The following GPC6 variants were observed in gnomAD, a reference collection of about 807,000 sequenced individuals.
GPC6 encodes glypican 6, also known as glypican-6.
GPC6 carries 14 observed loss-of-function variants against 55.2 expected under a neutral mutation model. The observed-to-expected ratio is 0.25, with a 90% CI of 0.17 to 0.40. The LOEUF (loss-of-function observed/expected upper bound fraction) is 0.40, where lower values mean the gene tolerates loss of function less well. GPC6 is among the 10% of genes least tolerant of loss of function. The pLI, the probability that GPC6 is intolerant of heterozygous loss-of-function variation, is 1.00. For missense variants in GPC6, 641 were observed against 708.5 expected (o/e 0.90, Z 1.08); for synonymous variants, 278 against 259.6 (o/e 1.07, Z -0.68).
intron 2 of GPC6, among the ~76,000 whole-genome samples, chr13:93,638,057 A>G (rs1268625235): frequency 6.6e-6 from 1 of 152,136 alleles, no homozygotes; most frequent in Non-Finnish European, 1.5e-5. Flanking sequence ...AAAAAAAATC[A>G]ATAATGAAGT....
intron 1 of GPC6, among the ~76,000 whole-genome samples, chr13:93,353,704 GT>G (rs950744597): frequency 3.3e-5 from 5 of 152,072 alleles, no homozygotes; most frequent in African/African-American, 7.2e-5. Context: ...TGGGTCATCT[GT>G]TTTTTTGCTC....
At chr13:94,102,882 A>G (rs1321396648) in intron 4 of GPC6, among the ~76,000 whole-genome samples, 1 of 151,976 alleles carries the variant, frequency 6.6e-6, no homozygotes, top group Non-Finnish European at 1.5e-5. Context: ...AAGATTTTTA[A>G]TTTCTTTTTT....
At chr13:93,407,162 CAT>C (rs1876323274) in intron 1 of GPC6, among the ~76,000 whole-genome samples, 1 of 151,738 alleles carries the variant, frequency 6.6e-6, no homozygotes, top group Admixed American at 6.6e-5. Flanking sequence ...TTTGGAGAAA[CAT>C]GATATGTTTA....
chr13:93,580,905 G>A (rs937370875), intron 2 of GPC6, among the ~76,000 whole-genome samples: 2 of 152,002 alleles, frequency 1.3e-5, no homozygotes, highest in African/African-American at 2.4e-5. Flanking sequence ...AAAATGTATT[G>A]TTCTGAATGT....
intron 2 of GPC6, among the ~76,000 whole-genome samples, chr13:93,591,076 T>TA (rs1269699187): frequency 6.7e-6 from 1 of 148,520 alleles, no homozygotes; most frequent in Non-Finnish European, 1.5e-5. Context: ...AGCAATCAAT[T>TA]CAGATAAAAT....
chr13:93,927,510 C>CGGA (rs2140351179), intron 3 of GPC6, among the ~76,000 whole-genome samples: 1 of 152,046 alleles, frequency 6.6e-6, no homozygotes, highest in African/African-American at 2.4e-5. Flanking sequence ...GGTTTGCTTC[C>CGGA]TTATCCCTCT....
chr13:93,871,210 TCTG>T (rs1447671614), intron 3 of GPC6, among the ~76,000 whole-genome samples: 1 of 151,966 alleles, frequency 6.6e-6, no homozygotes, highest in Non-Finnish European at 1.5e-5. Context: ...TTACAATTTG[TCTG>T]AACTTTGGCA....
chr13:94,085,595 T>A (rs766183316), intron 4 of GPC6, among the ~76,000 whole-genome samples: 3 of 151,962 alleles, frequency 2.0e-5, no homozygotes, highest in Non-Finnish European at 4.4e-5. Context: ...TATGACCTTA[T>A]TTTTTTCAAA....
chr13:94,023,681 G>A (rs553558650), intron 3 of GPC6, among the ~76,000 whole-genome samples: 5 of 152,026 alleles, frequency 3.3e-5, no homozygotes, highest in East Asian at 3.9e-4. Context: ...ACATAAATCC[G>A]CATAGCAACT....
rs115771669 is a variant in GPC6, at chr13:94,328,093, A to G, written c.1152+21970A>G. Reference sequence around the variant, plus strand: ...GTTGTCTCAAAGGATTCCTCTGCACATTAGACCAGCATTCGGAATATGTGG... The same window carrying G: ...GTTGTCTCAAAGGATTCCTCTGCACGTTAGACCAGCATTCGGAATATGTGG... On this transcript the variant is annotated intron_variant, in intron 6 of 8. Transcript: ENST00000377047. Among the ~76,000 whole-genome samples, 431 of 152,302 alleles carry G rather than the reference A, an allele frequency of 2.8e-3. 2 individuals carry two copies. Among genetic ancestry groups the G allele is most frequent in the African/African-American group, 9.3e-3 (386 of 41,558 alleles).
At chr13:94,316,868 C>T (rs1412754508) in intron 6 of GPC6, among the ~76,000 whole-genome samples, 1 of 152,216 alleles carries the variant, frequency 6.6e-6, no homozygotes, top group African/African-American at 2.4e-5. Flanking sequence ...TTTGCTTAGG[C>T]AAAGCGATTT....
chr13:94,382,543 A>C lies in GPC6; in HGVS notation c.1282A>C (p.Lys428Gln). 6.2e-7 allele frequency: 1 copy of C among 1,614,110 alleles called. No individual in the cohort carries two copies. The highest frequency in any genetic ancestry group is 8.5e-7 in the Non-Finnish European group (1 of 1,179,988). The change falls in exon 7 of 9, where the codon AAA (lysine) becomes CAA (glutamine). Residue 428 changes from lysine (K) to glutamine (Q), a missense_variant. Physicochemically the swap from Lys to Gln is moderately conservative, Grantham distance 53. Coordinates refer to ENST00000377047, the MANE Select transcript of GPC6 (RefSeq NM_005708.5). ...GGAGGAATGCTGGAACGGGCACAGC[A>C]AAGCCAGGTGAGGGTGACTCGATGT... is the stretch of plus-strand genomic sequence containing the variant. ...NEEECWNGHS[K>Q]ARYLPEIMND...
chr13:94,055,051 A>G (rs781526984), intron 4 of GPC6, among the ~76,000 whole-genome samples: 1 of 152,198 alleles, frequency 6.6e-6, no homozygotes, highest in Non-Finnish European at 1.5e-5. Flanking sequence ...GTATGACTAG[A>G]TTCATATGCC....
intron 4 of GPC6, among the ~76,000 whole-genome samples, chr13:94,213,758 C>T (rs999093263): frequency 6.6e-6 from 1 of 152,148 alleles, no homozygotes; most frequent in Non-Finnish European, 1.5e-5. Flanking sequence ...TCACTTCCAC[C>T]ACTTCCATTG....
intron 3 of GPC6, among the ~76,000 whole-genome samples, chr13:93,950,998 G>T (rs1295697173): frequency 6.6e-6 from 1 of 152,020 alleles, no homozygotes; most frequent in African/African-American, 2.4e-5. Context: ...AGCAAAGGAT[G>T]AATTTGGAAA....
intron 2 of GPC6, among the ~76,000 whole-genome samples, chr13:93,685,531 A>G (rs1383510002): frequency 6.6e-6 from 1 of 152,228 alleles, no homozygotes; most frequent in Non-Finnish European, 1.5e-5. Context: ...AACACCTGCC[A>G]TTTAAAATTA....
intron 1 of GPC6, among the ~76,000 whole-genome samples, chr13:93,401,673 C>G (rs1333565270): frequency 8.9e-6 from 1 of 112,206 alleles, no homozygotes; most frequent in East Asian, 2.5e-4. Flanking sequence ...ATTTTTCTGT[C>G]TTCTTCATGA....
At chr13:94,188,374 G>C (rs944186781) in intron 4 of GPC6, among the ~76,000 whole-genome samples, 1 of 152,100 alleles carries the variant, frequency 6.6e-6, no homozygotes, top group African/African-American at 2.4e-5. Flanking sequence ...CCACAGGCAC[G>C]AGTGACTTTC....
intron 1 of GPC6, among the ~76,000 whole-genome samples, chr13:93,296,441 C>T (rs963700166): frequency 6.6e-6 from 1 of 152,194 alleles, no homozygotes; most frequent in Non-Finnish European, 1.5e-5. Flanking sequence ...TTGTTTGTCA[C>T]ATGCTGTGCC....
Sources: allele counts gnomAD v4.1 joint callset (sites outside exome capture counted in the v4.1 genomes callset), GRCh38; gene constraint gnomAD v4.1.1; transcripts MANE v1.5; gene names NCBI Gene and HGNC (gene_info 2026-07-23, HGNC 2026-07-21).